The following COX5B variants were observed in gnomAD, a reference collection of about 807,000 sequenced individuals.
COX5B encodes cytochrome c oxidase subunit 5B, mitochondrial.
Under a neutral mutation model 16.2 loss-of-function variants are expected in COX5B, and 8 were observed. That is an observed-to-expected ratio of 0.49 (90% confidence interval 0.29 to 0.89). COX5B has a LOEUF of 0.89. Among genes scored for constraint, COX5B ranks in the 40% least tolerant of loss-of-function variants. COX5B has a pLI of 0.08. For synonymous variants in COX5B, 65 were observed against 67.6 expected (o/e 0.96, Z 0.19); for missense variants, 161 against 168.7 (o/e 0.95, Z 0.25).
chr2:97,647,587 T>C (rs1674681369), intron 3 of COX5B, 144 bp downstream of exon 3: 3 of 755,792 alleles, frequency 4.0e-6, no homozygotes, highest in Admixed American at 4.8e-5. Context: ...TTATGCCTGA[T>C]AGTTCATCCT....
intron 1 of COX5B, 45 bp downstream of exon 1, chr2:97,646,234 C>G (rs772284542): frequency 1.5e-6 from 2 of 1,355,530 alleles, no homozygotes; most frequent in South Asian, 1.4e-5. Flanking sequence ...TGTTGCCCTC[C>G]CAGGGTGGTC....
At position 97,647,108 on chromosome 2, in the gene COX5B, A is replaced by G; in HGVS notation, c.145A>G (p.Arg49Gly). 1 of 1,614,020 alleles carries G rather than the reference A, an allele frequency of 6.2e-7. No homozygotes were observed. The highest frequency in any genetic ancestry group is 1.3e-5 in the African/African-American group (1 of 75,000). ...TDEEQATGLEREIMLAAKKGL... is the reference protein window; with the variant it reads ...TDEEQATGLEGEIMLAAKKGL... ...TGAAGAGCAGGCGACTGGGTTGGAGAGGGAGATCATGCTGGCTGCAAAGAA... is the reference window on the plus strand; with the variant it reads ...TGAAGAGCAGGCGACTGGGTTGGAGGGGGAGATCATGCTGGCTGCAAAGAA... The change falls in exon 2 of 4, where the codon AGG becomes GGG. Residue 49 changes from arginine (R) to glycine (G), a missense_variant. Arg to Gly is a moderately radical substitution (Grantham distance 125). Transcript: ENST00000258424.
intron 1 of COX5B, 74 bp downstream of exon 1, chr2:97,646,263 G>C: frequency 1.9e-6 from 2 of 1,026,102 alleles, no homozygotes; most frequent in Non-Finnish European, 2.8e-6. Context: ...GCAAAGCGGC[G>C]CGGCTCGTGC....
chr2:97,646,848 C>T, intron 1 of COX5B: 1 of 428,990 alleles, frequency 2.3e-6, no homozygotes, highest in Non-Finnish European at 4.3e-6. Context: ...AACTCCGTCT[C>T]AAAAAAGAAA....
Position 97,648,182 on chromosome 2 carries a change from T to TAGTCTTTA in COX5B, c.*74_*75insAGTCTTTA. On this transcript the variant is annotated 3_prime_UTR_variant, in exon 4 of 4. Transcript: ENST00000258424. ...AGTAAAGACTAGCCATTGCATTGGCTCCTTCTCCCATAGATGGCTGGTCTT... is the reference window on the plus strand; with the variant it reads ...AGTAAAGACTAGCCATTGCATTGGCTAGTCTTTACCTTCTCCCATAGATGGCTGGTCTT... The TAGTCTTTA allele has an allele frequency of 8.2e-7, 1 of 1,221,736 alleles. No homozygotes were observed. Among genetic ancestry groups the TAGTCTTTA allele is most frequent in the Non-Finnish European group, 1.1e-6 (1 of 879,282 alleles). The allele number at this position is 1,221,736 out of a possible 1,614,324, so 75.7% of individuals were successfully genotyped here.
intron 1 of COX5B, chr2:97,646,800 A>G (rs1674662565): frequency 3.1e-6 from 1 of 320,766 alleles, no homozygotes; most frequent in Non-Finnish European, 6.0e-6. Context: ...GTGAGCCAAC[A>G]TCGCGCCATT....
At chr2:97,646,486 C>T (rs575236149) in intron 1 of COX5B, 1 of 392,474 alleles carries the variant, frequency 2.5e-6, no homozygotes, top group African/African-American at 2.1e-5. Flanking sequence ...CTGCGCCCAC[C>T]TCAAGCAGAG....
At chr2:97,646,855 GAAA>G (rs577991167) in intron 1 of COX5B, 13 of 441,296 alleles carry the variant, frequency 2.9e-5, no homozygotes, top group Middle Eastern at 6.5e-4. Flanking sequence ...TCTCAAAAAA[GAAA>G]AAAAAAGCTC....
At chr2:97,647,912 A>G in intron 3 of COX5B, 84 bp from the exon 4 acceptor site, 1 of 1,133,600 alleles carries the variant, frequency 8.8e-7, no homozygotes, top group Non-Finnish European at 1.3e-6. Context: ...CTTGTGTATC[A>G]GAGATGTCTG....
chr2:97,646,223 G>A (rs1388906241), intron 1 of COX5B, 34 bp downstream of exon 1: 2 of 1,444,722 alleles, frequency 1.4e-6, no homozygotes, highest in Non-Finnish European at 1.9e-6. Flanking sequence ...AGGGACCAGA[G>A]TGTTGCCCTC....
At chr2:97,647,909 A>G in intron 3 of COX5B, 87 bp from the exon 4 acceptor site, 1 of 1,097,672 alleles carries the variant, frequency 9.1e-7, no homozygotes, top group East Asian at 2.5e-5. Context: ...TTACTTGTGT[A>G]TCAGAGATGT....
intron 2 of COX5B, 40 bp from the exon 3 acceptor site, chr2:97,647,304 T>G: frequency 6.3e-7 from 1 of 1,586,480 alleles, no homozygotes; most frequent in African/African-American, 1.4e-5. Flanking sequence ...GTTCAATTCT[T>G]GTTTTTTTTG....
At position 97,648,078 on chromosome 2, in the gene COX5B, C is replaced by T; in HGVS notation, c.360C>T (p.Tyr120=). 1 of 1,609,828 alleles carries T rather than the reference C, an allele frequency of 6.2e-7. No homozygotes were observed. Among genetic ancestry groups the T allele is most frequent in the African/African-American group, 1.3e-5 (1 of 74,792 alleles). The part of the protein sequence containing the change: ...AQRCPRCGAH[Y]KLVPQQLAH ...GATGCCCCCGCTGTGGAGCCCATTA[C>T]AAGCTGGTGCCCCAGCAGCTGGCAC... The change falls in exon 4 of 4, where the codon TAC becomes TAT. Residue 120 remains tyrosine (Y), a synonymous_variant. Transcript: ENST00000258424.
At chr2:97,646,704 C>T (rs1674659799) in intron 1 of COX5B, 2 of 221,110 alleles carry the variant, frequency 9.0e-6, no homozygotes, top group Non-Finnish European at 1.8e-5. Flanking sequence ...AAAAATTAGC[C>T]GGGCGTGGTG....
At chr2:97,646,231 C>T in intron 1 of COX5B, 42 bp downstream of exon 1, 5 of 1,383,778 alleles carry the variant, frequency 3.6e-6, no homozygotes, top group Non-Finnish European at 4.9e-6. Flanking sequence ...GAGTGTTGCC[C>T]TCCCAGGGTG....
chr2:97,647,210 C>T, intron 2 of COX5B, 70 bp downstream of exon 2: 1 of 1,557,144 alleles, frequency 6.4e-7, no homozygotes, highest in Non-Finnish European at 8.9e-7. Context: ...GTGGTCTCCT[C>T]TCTGGGAGTA....
chr2:97,648,008 A>G lies in COX5B; in HGVS notation c.290A>G (p.Asn97Ser). The part of the protein sequence containing the change: ...RIVGCICEED[N>S]TSVVWFWLHK... ...TTTTCCCTTTTAGGTGAAGAGGACA[A>G]TACCAGCGTCGTCTGGTTTTGGCTG... Residue 97 changes from asparagine to serine, a missense_variant, in exon 4 of 4, where the codon AAT becomes AGT. Physicochemically the swap from Asn to Ser is conservative, Grantham distance 46 (BLOSUM62 1). Coordinates refer to ENST00000258424, the MANE Select transcript of COX5B (RefSeq NM_001862.3). 2 of 1,613,984 alleles carry G rather than the reference A, an allele frequency of 1.2e-6. No homozygotes were observed. The highest frequency in any genetic ancestry group is 1.7e-6 in the Non-Finnish European group (2 of 1,179,968).
Position 97,647,062 on chromosome 2 carries a change from T to C in COX5B, c.104-5T>C. ...AGCGTCATAATTCACGTTATCTTCC[T>C]TTAGGTGGTGTTCCCACTGATGAAG... On this transcript the variant is annotated splice_region_variant and splice_polypyrimidine_tract_variant and intron_variant, in intron 1 of 3. Transcript: ENST00000258424. The C allele has an allele frequency of 6.2e-7, 1 of 1,613,900 alleles. No individual in the cohort carries two copies.
At position 97,648,123 on chromosome 2, in the gene COX5B, T is replaced by C. The variant is rs760690110; in HGVS notation, c.*15T>C. Reference sequence around the variant, plus strand: ...TGGCACACTGAGCACCTGCACTAAATTACTCAAAATGTGCTGTAAAGTTTC... The same window carrying C: ...TGGCACACTGAGCACCTGCACTAAACTACTCAAAATGTGCTGTAAAGTTTC... On this transcript the variant is annotated 3_prime_UTR_variant, in exon 4 of 4. Transcript: ENST00000258424. 2.5e-6 allele frequency: 4 copies of C among 1,578,122 alleles called. No individual in the cohort carries two copies. In the South Asian group the frequency reaches 4.6e-5, roughly 18 times the overall value.
Sources: allele counts gnomAD v4.1 joint callset, GRCh38; gene constraint gnomAD v4.1.1; transcripts MANE v1.5; gene names NCBI Gene and HGNC (gene_info 2026-07-23, HGNC 2026-07-21).